The following DLGAP2 variants were observed in gnomAD, a reference collection of about 807,000 sequenced individuals.
The protein encoded by DLGAP2 is DLG associated protein 2.
Under a neutral mutation model 100.3 loss-of-function variants are expected in DLGAP2, and 26 were observed. The observed-to-expected ratio is 0.26, with a 90% CI of 0.19 to 0.36. The LOEUF is 0.36. DLGAP2 is among the 10% of genes least tolerant of loss of function. DLGAP2 has a pLI of 1.00. For missense variants in DLGAP2, 1,858 were observed against 1,453.2 expected, an observed-to-expected ratio of 1.28 and a Z score of -4.53; for synonymous variants, 886 against 630.1, an observed-to-expected ratio of 1.41 and a Z score of -6.08.
At chr8:1,419,198 ATGCG>A (rs58760938) in intron 3 of DLGAP2, among the ~76,000 whole-genome samples, 4,147 of 67,742 alleles carry the variant, frequency 0.061, 232 homozygotes, top group African/African-American at 0.18. Context: ...TTACACTCTG[ATGCG>A]TGCGTGTGTG....
At chr8:767,213 C>T (rs1414058612) in intron 1 of DLGAP2, among the ~76,000 whole-genome samples, 1 of 152,116 alleles carries the variant, frequency 6.6e-6, no homozygotes, top group Non-Finnish European at 1.5e-5. Flanking sequence ...CATGATGGAC[C>T]TTCCACTCTT....
At chr8:1,132,034 A>AAT (rs1005428864) in intron 2 of DLGAP2, among the ~76,000 whole-genome samples, 6 of 152,296 alleles carry the variant, frequency 3.9e-5, no homozygotes, top group African/African-American at 1.2e-4. Context: ...CACAGACTAG[A>AAT]ATAAGATGGT....
At chr8:1,314,160 G>A (rs1287840232) in intron 3 of DLGAP2, among the ~76,000 whole-genome samples, 1 of 152,186 alleles carries the variant, frequency 6.6e-6, no homozygotes, top group Non-Finnish European at 1.5e-5. Context: ...CTATGAAACT[G>A]TATGATGAGA....
At chr8:1,253,520 T>C (rs1799098931) in intron 2 of DLGAP2, among the ~76,000 whole-genome samples, 1 of 152,234 alleles carries the variant, frequency 6.6e-6, no homozygotes, top group African/African-American at 2.4e-5. Flanking sequence ...TCTATGAATT[T>C]ACACAGGAGA....
chr8:1,494,815 G>C (rs570321861), intron 3 of DLGAP2, among the ~76,000 whole-genome samples: 2 of 152,242 alleles, frequency 1.3e-5, no homozygotes, highest in East Asian at 1.9e-4. Flanking sequence ...AGAGCACACA[G>C]AGCTCCAGCC....
At chr8:1,680,984 A>G (rs1798929725) in intron 12 of DLGAP2, 1 of 152,214 alleles carries the variant, frequency 6.6e-6, no homozygotes, top group Non-Finnish European at 1.5e-5. Flanking sequence ...CACTCAATCA[A>G]GCTGTGTTTT....
At chr8:1,354,253 C>A (rs1801798555) in intron 3 of DLGAP2, among the ~76,000 whole-genome samples, 3 of 152,168 alleles carry the variant, frequency 2.0e-5, no homozygotes, top group South Asian at 4.1e-4. Flanking sequence ...AACCTGTAAT[C>A]CCAGCACTTT....
intron 4 of DLGAP2, among the ~76,000 whole-genome samples, chr8:1,514,201 T>G (rs147701719): frequency 2.3e-4 from 35 of 152,342 alleles, no homozygotes; most frequent in African/African-American, 7.7e-4. Context: ...TGTACATAAT[T>G]AGAGATATGT....
chr8:1,099,174 G>C (rs1300736557), intron 2 of DLGAP2, among the ~76,000 whole-genome samples: 1 of 152,180 alleles, frequency 6.6e-6, no homozygotes, highest in Admixed American at 6.5e-5. Flanking sequence ...CCACGTGCCT[G>C]GTGGTTTTAC....
At chr8:911,474 G>C (rs903236779) in intron 2 of DLGAP2, among the ~76,000 whole-genome samples, 2 of 152,154 alleles carry the variant, frequency 1.3e-5, no homozygotes, top group South Asian at 2.1e-4. Context: ...GAGAATGTTG[G>C]AAGGATGCTG....
intron 2 of DLGAP2, among the ~76,000 whole-genome samples, chr8:1,145,660 T>C (rs1427290157): frequency 6.6e-6 from 1 of 152,040 alleles, no homozygotes; most frequent in East Asian, 1.9e-4. Context: ...ATGTGCACAA[T>C]GTGCAGGTTA....
At chr8:1,101,943 GAC>G (rs1363994537) in intron 2 of DLGAP2, among the ~76,000 whole-genome samples, 1 of 152,092 alleles carries the variant, frequency 6.6e-6, no homozygotes, top group African/African-American at 2.4e-5. Context: ...AAACACCTAA[GAC>G]AGTCAAGATG....
chr8:1,427,396 A>C (rs756581015), intron 3 of DLGAP2, among the ~76,000 whole-genome samples: 2 of 152,252 alleles, frequency 1.3e-5, no homozygotes, highest in Non-Finnish European at 2.9e-5. Flanking sequence ...AATTACAAAC[A>C]TTTTAAAGAA....
chr8:1,557,894 A>C (rs534180879), intron 5 of DLGAP2, among the ~76,000 whole-genome samples: 52 of 152,302 alleles, frequency 3.4e-4, no homozygotes, highest in African/African-American at 1.2e-3. Flanking sequence ...AAATAATCAC[A>C]TTCTGAGGTC....
chr8:1,651,149 T>C (rs988125822), intron 8 of DLGAP2, among the ~76,000 whole-genome samples: 1 of 152,224 alleles, frequency 6.6e-6, no homozygotes, highest in Non-Finnish European at 1.5e-5. Flanking sequence ...ACCAATTCTT[T>C]GCAAACACTC....
chr8:966,256 G>C (rs1396047960), intron 2 of DLGAP2, among the ~76,000 whole-genome samples: 1 of 152,206 alleles, frequency 6.6e-6, no homozygotes, highest in African/African-American at 2.4e-5. Flanking sequence ...GTGTTTACCA[G>C]TTGTCCACGT....
At chr8:1,225,233 CA>C (rs757876504) in intron 2 of DLGAP2, among the ~76,000 whole-genome samples, 1 of 152,194 alleles carries the variant, frequency 6.6e-6, no homozygotes, top group Non-Finnish European at 1.5e-5. Flanking sequence ...GACAACGGAA[CA>C]TTTCTCAGTT....
intron 3 of DLGAP2, among the ~76,000 whole-genome samples, chr8:1,337,438 A>C (rs62486252): frequency 9.5e-6 from 1 of 104,936 alleles, no homozygotes; most frequent in African/African-American, 3.3e-5. Flanking sequence ...GATGGTGATG[A>C]TGATGATGGT....
chr8:799,846 C>T (rs1278577440), intron 1 of DLGAP2, among the ~76,000 whole-genome samples: 1 of 152,198 alleles, frequency 6.6e-6, no homozygotes, highest in South Asian at 2.1e-4. Context: ...GTCCTCCTAC[C>T]TTGGCCTCTC....
Sources: gnomAD v4.1 joint callset for allele counts (sites outside exome capture counted in the v4.1 genomes callset) on GRCh38, gnomAD v4.1.1 for gene constraint, MANE v1.5 for transcripts, NCBI Gene and HGNC (gene_info 2026-07-23, HGNC 2026-07-21) for gene names.